The following PPP2R3A variants were observed in gnomAD, a reference collection of about 807,000 sequenced individuals.
The protein encoded by PPP2R3A is serine/threonine-protein phosphatase 2A regulatory subunit B'' subunit alpha.
PPP2R3A carries 80 observed loss-of-function variants against 106.9 expected under a neutral mutation model. The ratio of observed to expected loss-of-function variants is 0.75; its 90% CI spans 0.62 to 0.90. The LOEUF is 0.90. Ranked by LOEUF, PPP2R3A falls within the 40% of genes least tolerant of loss-of-function variation. The pLI, the probability that PPP2R3A is intolerant of heterozygous loss-of-function variation, is 0.00. For missense variants in PPP2R3A, 1,386 were observed against 1,350.4 expected (o/e 1.03, Z -0.41); for synonymous variants, 483 against 468.3 (o/e 1.03, Z -0.41).
chr3:136,100,766 G>A (rs945331092), intron 10 of PPP2R3A, among the ~76,000 whole-genome samples: 4 of 152,092 alleles, frequency 2.6e-5, no homozygotes, highest in African/African-American at 9.7e-5. Flanking sequence ...AGGAGTTCAA[G>A]GCTGCAGTGA....
intron 13 of PPP2R3A, among the ~76,000 whole-genome samples, chr3:136,116,999 C>T (rs1937789119): frequency 6.6e-6 from 1 of 152,150 alleles, no homozygotes; most frequent in South Asian, 2.1e-4. Context: ...TAAAGCACTC[C>T]TCAGCAAATG....
chr3:135,979,656 C>A (rs1937512510), intron 1 of PPP2R3A, among the ~76,000 whole-genome samples: 3 of 151,604 alleles, frequency 2.0e-5, no homozygotes, highest in Admixed American at 2.0e-4. Flanking sequence ...CACATGGGCA[C>A]ATGTATTGCT....
intron 1 of PPP2R3A, among the ~76,000 whole-genome samples, chr3:135,971,732 C>A (rs1315711443): frequency 6.6e-6 from 1 of 152,136 alleles, no homozygotes; most frequent in Non-Finnish European, 1.5e-5. Flanking sequence ...TAATGTGAGT[C>A]CATTATAAGA....
chr3:136,013,013 C>T (rs1431663738), intron 2 of PPP2R3A, among the ~76,000 whole-genome samples: 1 of 152,166 alleles, frequency 6.6e-6, no homozygotes. Flanking sequence ...ATCCTCATAG[C>T]TTAGCTCTAG....
At position 136,002,289 on chromosome 3, in the gene PPP2R3A, A is replaced by G. The variant is rs1286101133; in HGVS notation, c.791A>G (p.Glu264Gly). The change falls in exon 2 of 14, where the codon GAA becomes GGA. Residue 264 changes from glutamate (E) to glycine (G), a missense_variant. Coordinates refer to ENST00000264977, the MANE Select transcript of PPP2R3A (RefSeq NM_002718.5). ...IKKKSGSSIS[E>G]GSGNDTISSS... ...AAAAAATCAGGGAGTAGCATCAGTG[A>G]AGGAAGTGGTAATGATACAATTTCT... 6.2e-7 allele frequency: 1 copy of G among 1,613,894 alleles called. No individual in the cohort carries two copies. Among genetic ancestry groups the G allele is most frequent in the Non-Finnish European group, 8.5e-7 (1 of 1,179,860 alleles).
At chr3:136,122,195 C>G (rs985258920) in intron 13 of PPP2R3A, among the ~76,000 whole-genome samples, 1 of 152,096 alleles carries the variant, frequency 6.6e-6, no homozygotes, top group Non-Finnish European at 1.5e-5. Flanking sequence ...GTGACTCACA[C>G]CTGTAACCCC....
rs1936896292 is a variant in PPP2R3A at position 136,085,280 on chromosome 3, A to G, written c.2789-2603A>G. Among the ~76,000 whole-genome samples the G allele has an allele frequency of 4.6e-5, 7 of 152,140 alleles. No homozygotes were observed. The South Asian group carries it at 1.5e-3, about 32-fold the overall frequency. On this transcript the variant is annotated intron_variant, in intron 8 of 13. Transcript: ENST00000264977. ...CTCATGAGAGCTCATGGTTTTAGAA[A>G]GGGGAGTTCCCCCACACACACCCCT...
At chr3:136,065,568 T>A (rs890252506) in intron 5 of PPP2R3A, among the ~76,000 whole-genome samples, 3 of 152,014 alleles carry the variant, frequency 2.0e-5, no homozygotes, top group African/African-American at 7.2e-5. Context: ...AGGCAGAGAA[T>A]AAAAAACCAA....
At chr3:136,026,758 A>G in intron 2 of PPP2R3A, 74 bp from the exon 3 acceptor site, 2 of 1,387,354 alleles carry the variant, frequency 1.4e-6, no homozygotes, top group Non-Finnish European at 2.0e-6. Flanking sequence ...GGTTTCTTAT[A>G]TTGCTGGTGA....
At chr3:136,034,833 C>A (rs1228172466) in intron 3 of PPP2R3A, among the ~76,000 whole-genome samples, 1 of 152,120 alleles carries the variant, frequency 6.6e-6, no homozygotes, top group Non-Finnish European at 1.5e-5. Flanking sequence ...AAGTCCCCCA[C>A]TCTTGTTGTG....
intron 10 of PPP2R3A, among the ~76,000 whole-genome samples, chr3:136,094,068 C>T (rs997578585): frequency 2.6e-5 from 4 of 152,192 alleles, no homozygotes; most frequent in Non-Finnish European, 5.9e-5. Flanking sequence ...ATACTACACA[C>T]GACTGGATCT....
chr3:136,026,253 A>G (rs960836242), intron 2 of PPP2R3A, among the ~76,000 whole-genome samples: 2 of 152,192 alleles, frequency 1.3e-5, no homozygotes, highest in African/African-American at 4.8e-5. Flanking sequence ...CAAATAAATC[A>G]GCCAGGTAGG....
At chr3:136,132,773 G>A (rs1220779866) in intron 13 of PPP2R3A, among the ~76,000 whole-genome samples, 1 of 151,722 alleles carries the variant, frequency 6.6e-6, no homozygotes, top group Non-Finnish European at 1.5e-5. Context: ...AACTTGTATA[G>A]AAAATGAAAA....
chr3:136,142,742 G>T (rs1056510793), intron 13 of PPP2R3A, among the ~76,000 whole-genome samples: 3 of 152,200 alleles, frequency 2.0e-5, no homozygotes, highest in Non-Finnish European at 4.4e-5. Flanking sequence ...CTGACACTTA[G>T]CAACAGGAGT....
chr3:136,075,453 G>GT (rs1936563586), intron 6 of PPP2R3A, among the ~76,000 whole-genome samples: 2 of 152,126 alleles, frequency 1.3e-5, no homozygotes, highest in African/African-American at 4.8e-5. Context: ...TCAGTGATGT[G>GT]GAAACCAACA....
chr3:136,082,405 TC>T lies in PPP2R3A; in HGVS notation c.2773del (p.Arg925AspfsTer20). 1 of 1,613,872 alleles carries T rather than the reference TC, an allele frequency of 6.2e-7. No individual in the cohort carries two copies. The highest frequency in any genetic ancestry group is 8.5e-7 in the Non-Finnish European group (1 of 1,179,784). On this transcript the variant is annotated frameshift_variant, in exon 8 of 14. Coordinates refer to ENST00000264977, the MANE Select transcript of PPP2R3A (RefSeq NM_002718.5). LOFTEE classifies it high-confidence loss of function. ...DLYISQADLS[R>X]YNDQASSSRI... ...TCTACATCAGCCAGGCCGATCTGTC[TC>T]GATACAATGACCAGGGTAAGTGATT...
intron 4 of PPP2R3A, among the ~76,000 whole-genome samples, chr3:136,041,238 GTTTTTTTTTTT>G (rs1339316461): frequency 2.2e-5 from 2 of 92,936 alleles, no homozygotes; most frequent in African/African-American, 9.0e-5. Flanking sequence ...GGTTTTTCTT[GTTTTTTTTTTT>G]GTTTTTTTTT....
At position 135,974,925 on chromosome 3, in the gene PPP2R3A, A is replaced by G. The variant is rs146287767; in HGVS notation, c.-441+9076A>G. 6.8e-3 allele frequency among the ~76,000 whole-genome samples: 1,031 copies of G among 152,330 alleles called. 19 individuals carry two copies. Among genetic ancestry groups the G allele is most frequent in the African/African-American group, 0.022 (931 of 41,578 alleles). On this transcript the variant is annotated intron_variant, in intron 1 of 13. Transcript: ENST00000264977. ...TTAGGAATCCTAGCAAGGGCCACTT[A>G]TCCCTTCCATTTTGTAGATCGTAGG...
intron 13 of PPP2R3A, among the ~76,000 whole-genome samples, chr3:136,124,841 TAAAAG>T (rs1938126947): frequency 6.6e-6 from 1 of 152,054 alleles, no homozygotes; most frequent in South Asian, 2.1e-4. Context: ...CTACAGAAGT[TAAAAG>T]AATTATACGG....
Sources: allele counts gnomAD v4.1 joint callset (sites outside exome capture counted in the v4.1 genomes callset), GRCh38; gene constraint gnomAD v4.1.1; transcripts MANE v1.5; gene names NCBI Gene and HGNC (gene_info 2026-07-23, HGNC 2026-07-21).